The following CTNNBL1 variants were observed in gnomAD, a reference collection of about 807,000 sequenced individuals.
CTNNBL1 encodes the protein catenin beta like 1, also known as beta-catenin-like protein 1.
A neutral mutation model predicts 72.7 loss-of-function variants in CTNNBL1; 31 were observed. The ratio of observed to expected loss-of-function variants is 0.43; its 90% CI spans 0.32 to 0.58. The LOEUF is 0.58. Among genes scored for constraint, CTNNBL1 ranks in the 20% least tolerant of loss-of-function variants. The pLI is 0.08. For missense variants in CTNNBL1, 534 were observed against 725.1 expected (o/e 0.74, Z 3.03); for synonymous variants, 240 against 267.3 (o/e 0.90, Z 1.00).
intron 1 of CTNNBL1, among the ~76,000 whole-genome samples, chr20:37,720,847 C>A (rs1049855627): frequency 1.3e-5 from 2 of 152,308 alleles, no homozygotes; most frequent in East Asian, 3.9e-4. Flanking sequence ...CCTAGGATCC[C>A]TACTCTTGAA....
chr20:37,718,327 G>A (rs1184367347), intron 1 of CTNNBL1, among the ~76,000 whole-genome samples: 1 of 143,816 alleles, frequency 7.0e-6, no homozygotes, highest in Non-Finnish European at 1.5e-5. Flanking sequence ...GGCTGGCCGG[G>A]CAGGGGGGCT....
chr20:37,762,845 C>A (rs1006193053), intron 5 of CTNNBL1, among the ~76,000 whole-genome samples: 1 of 152,142 alleles, frequency 6.6e-6, no homozygotes, highest in African/African-American at 2.4e-5. Flanking sequence ...TCACAGTTTG[C>A]AAGCTTAAAA....
chr20:37,823,291 G>A (rs2072127102), intron 11 of CTNNBL1, among the ~76,000 whole-genome samples: 1 of 152,226 alleles, frequency 6.6e-6, no homozygotes, highest in Non-Finnish European at 1.5e-5. Flanking sequence ...TGTCAGTGCA[G>A]CGCTGAAATT....
chr20:37,819,824 T>C (rs952220760), intron 11 of CTNNBL1, among the ~76,000 whole-genome samples: 7 of 152,116 alleles, frequency 4.6e-5, no homozygotes, highest in South Asian at 2.1e-4. Context: ...ATTGTCTTCC[T>C]TGAGTGTCAT....
At chr20:37,768,458 A>G (rs1245225268) in intron 7 of CTNNBL1, among the ~76,000 whole-genome samples, 6 of 152,212 alleles carry the variant, frequency 3.9e-5, no homozygotes. Flanking sequence ...TTTCTCACTG[A>G]ACTAATTATT....
intron 10 of CTNNBL1, among the ~76,000 whole-genome samples, chr20:37,782,400 A>G (rs2073634023): frequency 6.6e-6 from 1 of 152,182 alleles, no homozygotes; most frequent in East Asian, 1.9e-4. Flanking sequence ...ACAAGCATAT[A>G]TTCACTACCA....
At chr20:37,746,404 C>G (rs1600459802) in intron 3 of CTNNBL1, 64 bp from the exon 4 acceptor site, 5 of 1,558,604 alleles carry the variant, frequency 3.2e-6, no homozygotes, top group Admixed American at 1.7e-5. Flanking sequence ...TAGATTGTTG[C>G]TGTTTGCTCC....
At chr20:37,764,556 G>C (rs1017712442) in intron 5 of CTNNBL1, among the ~76,000 whole-genome samples, 2 of 152,196 alleles carry the variant, frequency 1.3e-5, no homozygotes, top group Admixed American at 1.3e-4. Flanking sequence ...TTTCCTATCT[G>C]TTTCAACATG....
At chr20:37,717,987 A>G (rs1305513439) in intron 1 of CTNNBL1, among the ~76,000 whole-genome samples, 1 of 152,182 alleles carries the variant, frequency 6.6e-6, no homozygotes, top group Non-Finnish European at 1.5e-5. Context: ...AACAAAATGA[A>G]AAGTCTCCCA....
chr20:37,799,867 T>C (rs1307213545), intron 10 of CTNNBL1, among the ~76,000 whole-genome samples: 2 of 152,166 alleles, frequency 1.3e-5, no homozygotes, highest in East Asian at 1.9e-4. Flanking sequence ...CAACGCTCTC[T>C]CTTTGCCCAG....
chr20:37,858,534 T>C (rs988436176), intron 13 of CTNNBL1, among the ~76,000 whole-genome samples: 1 of 152,210 alleles, frequency 6.6e-6, no homozygotes, highest in African/African-American at 2.4e-5. Context: ...GGGAAGGCAG[T>C]AGGGCCCTGA....
chr20:37,871,975 G>T lies in CTNNBL1; in HGVS notation c.1654G>T (p.Glu552Ter), dbSNP rs1201435886. The change falls in exon 16 of 16, where the codon GAG (glutamate) becomes TAG (stop). Residue 552 changes from glutamate to a stop codon, truncating the protein, a stop_gained. Coordinates refer to ENST00000361383, the MANE Select transcript of CTNNBL1 (RefSeq NM_030877.5). LOFTEE classifies it high-confidence loss of function. ...CCGGAGCCCGGAGTTCCGGGAGAACGAGCAAAAGCGCATCCTGGGCTTGCT... is the reference window on the plus strand; with the variant it reads ...CCGGAGCCCGGAGTTCCGGGAGAACTAGCAAAAGCGCATCCTGGGCTTGCT... ...DGRSPEFREN[E>*]QKRILGLLEN... 6.2e-7 allele frequency: 1 copy of T among 1,614,112 alleles called. No individual in the cohort carries two copies. Among genetic ancestry groups the T allele is most frequent in the African/African-American group, 1.3e-5 (1 of 75,024 alleles).
intron 13 of CTNNBL1, among the ~76,000 whole-genome samples, chr20:37,852,954 T>C (rs548549710): frequency 6.6e-6 from 1 of 152,366 alleles, no homozygotes; most frequent in Admixed American, 6.5e-5. Context: ...CTTAGTACTC[T>C]GTTCCACCTT....
chr20:37,796,742 T>C (rs1490274265), intron 10 of CTNNBL1, among the ~76,000 whole-genome samples: 2 of 152,208 alleles, frequency 1.3e-5, no homozygotes, highest in Non-Finnish European at 2.9e-5. Flanking sequence ...CATGGTTCAT[T>C]CATCACTGGC....
At chr20:37,793,897 C>T (rs1183547199) in intron 10 of CTNNBL1, among the ~76,000 whole-genome samples, 2 of 152,126 alleles carry the variant, frequency 1.3e-5, no homozygotes, top group African/African-American at 4.8e-5. Flanking sequence ...TCTCCTGCCT[C>T]AGCCTCCCGA....
At chr20:37,808,099 A>G (rs1010602545) in intron 11 of CTNNBL1, among the ~76,000 whole-genome samples, 5 of 152,208 alleles carry the variant, frequency 3.3e-5, no homozygotes, top group Admixed American at 1.3e-4. Context: ...TGAGCCACCG[A>G]GCAGCATGTA....
chr20:37,821,083 C>T (rs956618375), intron 11 of CTNNBL1, among the ~76,000 whole-genome samples: 3 of 152,186 alleles, frequency 2.0e-5, no homozygotes, highest in Non-Finnish European at 2.9e-5. Flanking sequence ...TTTCTCTCCT[C>T]CACATCTTGA....
At position 37,694,200 on chromosome 20, in the gene CTNNBL1, G is replaced by A. The variant is rs188802825; in HGVS notation, c.30+48G>A. The A allele has an allele frequency of 3.5e-3, 5,416 of 1,534,210 alleles. 11 individuals carry two copies. The highest frequency in any genetic ancestry group is 4.5e-3 in the Non-Finnish European group (5,087 of 1,142,226). ...AGCGACCGCGTTCTCACCTGGGCAG[G>A]GGTCGCAGGAGCCAGAGCCCTTTCA... On this transcript the variant is annotated intron_variant, in intron 1 of 15. Coordinates refer to ENST00000361383, the MANE Select transcript of CTNNBL1 (RefSeq NM_030877.5).
intron 10 of CTNNBL1, among the ~76,000 whole-genome samples, chr20:37,782,980 T>C (rs985071766): frequency 3.3e-5 from 5 of 152,226 alleles, no homozygotes; most frequent in African/African-American, 1.2e-4. Flanking sequence ...AGATGCTCAG[T>C]AGCTACACAG....
Sources: allele counts gnomAD v4.1 joint callset (sites outside exome capture counted in the v4.1 genomes callset), GRCh38; gene constraint gnomAD v4.1.1; transcripts MANE v1.5; gene names NCBI Gene and HGNC (gene_info 2026-07-23, HGNC 2026-07-21).